Variants in SLC17A1 observed in about 807,000 individuals in gnomAD.
The protein encoded by SLC17A1 is solute carrier family 17 member 1, also known as sodium-dependent phosphate transport protein 1.
A neutral mutation model predicts 53.5 loss-of-function variants in SLC17A1; 51 were observed. That is an observed-to-expected ratio of 0.95 (90% CI 0.76 to 1.20). The LOEUF (loss-of-function observed/expected upper bound fraction) is 1.20. Among genes scored for constraint, SLC17A1 ranks in the 50% most tolerant of loss-of-function variants. The pLI, the probability that SLC17A1 is intolerant of heterozygous loss-of-function variation, is 0.00. For missense variants in SLC17A1, 538 were observed against 568.2 expected (o/e 0.95, Z 0.54); for synonymous variants, 179 against 198.8 (o/e 0.90, Z 0.84).
chr6:25,733,441 T>C, the SLC17A1 span, among the ~76,000 whole-genome samples: 3 of 152,134 alleles, frequency 2.0e-5, no homozygotes, highest in African/African-American at 7.2e-5. Context: ...CTAGGGCGCA[T>C]GTTTTCTTCT....
Position 25,796,067 on chromosome 6 carries a change from C to T in SLC17A1, c.*2+2716G>A, listed in dbSNP as rs1298999560. ...CTGAATAAAGTAAAGTGATTGTTCT[C>T]ATAGCTGTGCCCCACTCTGTGCCTT... is the stretch of plus-strand genomic sequence containing the variant. On this transcript the variant is annotated intron_variant, in intron 12 of 12. Coordinates refer to ENST00000244527, the MANE Select transcript of SLC17A1 (RefSeq NM_005074.5). Among the ~76,000 whole-genome samples, 5 of 152,226 alleles carry T rather than the reference C, an allele frequency of 3.3e-5. No individual in the cohort carries two copies. The East Asian group carries it at 9.7e-4, about 29-fold the overall frequency.
chr6:25,727,394 T>G, the SLC17A1 span: 1 of 1,003,686 alleles, frequency 1.0e-6, no homozygotes, highest in East Asian at 2.8e-5. Flanking sequence ...TTTCTAACCG[T>G]AAGGGTTTTT....
Position 25,830,732 on chromosome 6 carries a change from A to T in SLC17A1, c.-50-125T>A, listed in dbSNP as rs773595041. On this transcript the variant is annotated intron_variant, in intron 1 of 12. Transcript: ENST00000244527. The stretch of plus-strand genomic sequence containing the variant: ...AACTTGCTCCATCACAGCAGTGCCC[A>T]TTCACCTCCATTATGTGCTTCCCTT... 4.0e-4 allele frequency: 213 copies of T among 532,500 alleles called. 1 individual carries two copies. Among genetic ancestry groups the T allele is most frequent in the Non-Finnish European group, 6.0e-4 (176 of 292,590 alleles). The allele number at this position is 532,500 out of a possible 1,614,324, so 33.0% of individuals were successfully genotyped here.
intron 12 of SLC17A1, chr6:25,798,505 G>T (rs185130209): frequency 8.2e-5 from 23 of 281,488 alleles, no homozygotes; most frequent in African/African-American, 5.0e-4. Context: ...TTCCTACTTC[G>T]TTGAAGGCCC....
At chr6:25,820,647 G>A (rs1179500009) in intron 3 of SLC17A1, among the ~76,000 whole-genome samples, 1 of 152,056 alleles carries the variant, frequency 6.6e-6, no homozygotes, top group African/African-American at 2.4e-5. Flanking sequence ...TTGGGAGGAC[G>A]AGGCGGGCGG....
At chr6:25,771,889 AT>A in the SLC17A1 span, among the ~76,000 whole-genome samples, 2 of 152,160 alleles carry the variant, frequency 1.3e-5, no homozygotes, top group African/African-American at 4.8e-5. Context: ...CAGAGGCAGT[AT>A]TTTACTACGT....
At chr6:25,743,533 A>C in the SLC17A1 span, among the ~76,000 whole-genome samples, 3 of 152,362 alleles carry the variant, frequency 2.0e-5, no homozygotes, top group African/African-American at 4.8e-5. Context: ...ACTAGATGAA[A>C]GGAAAACAAG....
chr6:25,731,946 C>A, the SLC17A1 span: 1 of 1,599,228 alleles, frequency 6.3e-7, no homozygotes, highest in Non-Finnish European at 8.5e-7. Flanking sequence ...ACAGGCAATG[C>A]GCTCAAAAAT....
downstream of SLC17A1, among the ~76,000 whole-genome samples, chr6:25,778,458 G>T (rs564793832): frequency 6.6e-6 from 1 of 152,196 alleles, no homozygotes; most frequent in Non-Finnish European, 1.5e-5. Context: ...CTAGCATACT[G>T]TCAGGAAATG....
chr6:25,745,649 A>G, the SLC17A1 span, among the ~76,000 whole-genome samples: 1 of 152,214 alleles, frequency 6.6e-6, no homozygotes, highest in Non-Finnish European at 1.5e-5. Context: ...GACTTCCCTA[A>G]GTTGGAGGCC....
At chr6:25,817,246 G>A (rs771819001) in intron 6 of SLC17A1, among the ~76,000 whole-genome samples, 5 of 152,144 alleles carry the variant, frequency 3.3e-5, no homozygotes, top group Non-Finnish European at 7.4e-5. Context: ...AGTTATTGTC[G>A]TATTCTTTAA....
At chr6:25,799,052 C>T (rs1476896169) in intron 11 of SLC17A1, 133 bp from the exon 12 acceptor site, 8 of 674,416 alleles carry the variant, frequency 1.2e-5, no homozygotes, top group South Asian at 3.8e-5. Flanking sequence ...TATACATAGC[C>T]GAAAACGTCA....
rs1223192979 is a variant in SLC17A1 at position 25,783,118 on chromosome 6, C to T, written c.*103G>A. 2 of 152,224 alleles carry T rather than the reference C, an allele frequency of 1.3e-5. No homozygotes were observed. The highest frequency in any genetic ancestry group is 2.4e-5 in the African/African-American group (1 of 41,448). 9.4% of individuals were successfully genotyped at this position (152,224 alleles called of 1,614,324 possible). On this transcript the variant is annotated 3_prime_UTR_variant, in exon 13 of 13. Coordinates refer to ENST00000244527, the MANE Select transcript of SLC17A1 (RefSeq NM_005074.5). ...CTAGGACTCCTCCTACCACCTTCTTCCTGGTGCTGGTGACTGCCCCTCAGC... is the reference window on the plus strand; with the variant it reads ...CTAGGACTCCTCCTACCACCTTCTTTCTGGTGCTGGTGACTGCCCCTCAGC...
chr6:25,781,076 G>T (rs1383787419), downstream of SLC17A1: 2 of 151,992 alleles, frequency 1.3e-5, no homozygotes, highest in East Asian at 3.9e-4. Flanking sequence ...TTTTTGCATG[G>T]ATGAGTCATC....
chr6:25,727,156 C>T, the SLC17A1 span: 3 of 1,614,062 alleles, frequency 1.9e-6, no homozygotes, highest in South Asian at 1.1e-5. Flanking sequence ...TCACGTTTGG[C>T]TCACTACAGC....
chr6:25,792,320 A>G (rs73733815), intron 12 of SLC17A1, among the ~76,000 whole-genome samples: 3,060 of 152,298 alleles, frequency 0.02, 61 homozygotes, highest in Middle Eastern at 0.054. Flanking sequence ...ATTTACATAA[A>G]TGAACCTGAT....
At chr6:25,801,006 A>G in intron 10 of SLC17A1, 26 bp from the exon 11 acceptor site, 1 of 1,226,330 alleles carries the variant, frequency 8.2e-7, no homozygotes, top group Non-Finnish European at 1.2e-6. Context: ...TAATACACAA[A>G]TGTAAAGTAG....
chr6:25,773,641 C>T, the SLC17A1 span: 4 of 1,613,754 alleles, frequency 2.5e-6, no homozygotes, highest in East Asian at 4.5e-5. Flanking sequence ...CACCAACGTA[C>T]ATCAGCTCGG....
Position 25,812,879 on chromosome 6 carries a change from T to C in SLC17A1, c.849A>G (p.Leu283=), listed in dbSNP as rs1329475484. ...TGGAGTTGATAAACATTGGAGTGTA[T>C]AGTGTCATGATGTTATGTGACCAGA... ...TFFWSHNIMT[L]YTPMFINSML... is the part of the protein sequence containing the mutation. Residue 283 remains leucine, a synonymous_variant, in exon 8 of 13, where the codon CTA becomes CTG. Transcript: ENST00000244527. 3.7e-6 allele frequency: 6 copies of C among 1,612,944 alleles called. No individual in the cohort carries two copies. Among genetic ancestry groups the C allele is most frequent in the East Asian group, 2.2e-5 (1 of 44,864 alleles).
Sources: gnomAD v4.1 joint callset for allele counts (sites outside exome capture counted in the v4.1 genomes callset) on GRCh38, gnomAD v4.1.1 for gene constraint, MANE v1.5 for transcripts, NCBI Gene and HGNC (gene_info 2026-07-23, HGNC 2026-07-21) for gene names.